The following CERS6 variants were observed in gnomAD, a reference collection of about 807,000 sequenced individuals.
CERS6 encodes ceramide synthase 6, also known as LAG1 homolog, ceramide synthase 6.
A neutral mutation model predicts 56.8 loss-of-function variants in CERS6; 26 were observed. The observed-to-expected ratio is 0.46, with a 90% CI of 0.34 to 0.63. The LOEUF (loss-of-function observed/expected upper bound fraction) is 0.63, where lower values mean the gene tolerates loss of function less well. Among genes scored for constraint, CERS6 ranks in the 30% least tolerant of loss-of-function variants. The probability of loss-of-function intolerance (pLI) is 0.01; values close to 1 mark genes in which losing one functional copy is unlikely to be tolerated. For missense variants in CERS6, 415 were observed against 467.5 expected, an observed-to-expected ratio of 0.89 and a Z score of 1.04; for synonymous variants, 164 against 173.3, an observed-to-expected ratio of 0.95 and a Z score of 0.42.
At chr2:168,682,750 A>G (rs145593363) in intron 4 of CERS6, among the ~76,000 whole-genome samples, 1 of 152,204 alleles carries the variant, frequency 6.6e-6, no homozygotes, top group Admixed American at 6.5e-5. Flanking sequence ...TACAAGATCC[A>G]TGCTATGTGG....
At chr2:168,762,341 C>T (rs1341635511) in intron 8 of CERS6, among the ~76,000 whole-genome samples, 1 of 152,128 alleles carries the variant, frequency 6.6e-6, no homozygotes, top group Non-Finnish European at 1.5e-5. Context: ...TGACTCCCTG[C>T]CATGCTCAAT....
intron 1 of CERS6, among the ~76,000 whole-genome samples, chr2:168,527,999 G>A (rs2105360422): frequency 6.6e-6 from 1 of 152,080 alleles, no homozygotes; most frequent in South Asian, 2.1e-4. Context: ...TGGGATTGCA[G>A]GTGTGAGCCA....
intron 9 of CERS6, among the ~76,000 whole-genome samples, chr2:168,767,600 A>G (rs1406568953): frequency 6.6e-6 from 1 of 152,144 alleles, no homozygotes; most frequent in Non-Finnish European, 1.5e-5. Flanking sequence ...GTTCACTTTT[A>G]TGATATTTAC....
intron 3 of CERS6, among the ~76,000 whole-genome samples, chr2:168,568,113 A>G (rs1197725338): frequency 1.3e-5 from 2 of 152,148 alleles, no homozygotes; most frequent in East Asian, 3.9e-4. Flanking sequence ...AGGAAAAGAG[A>G]TTTTTGCTAA....
At chr2:168,662,127 C>CTTTTTTT (rs71397658) in intron 4 of CERS6, among the ~76,000 whole-genome samples, 3,228 of 136,538 alleles carry the variant, frequency 0.024, 104 homozygotes, top group African/African-American at 0.074. Flanking sequence ...AAGGCTGTCT[C>CTTTTTTT]TTTTTTTTTT....
intron 8 of CERS6, among the ~76,000 whole-genome samples, chr2:168,755,951 C>T (rs1238581369): frequency 6.6e-6 from 1 of 152,160 alleles, no homozygotes; most frequent in African/African-American, 2.4e-5. Context: ...CAAAACATAC[C>T]ATTGAAATCT....
At chr2:168,656,428 C>T (rs545645814) in intron 4 of CERS6, among the ~76,000 whole-genome samples, 3 of 151,966 alleles carry the variant, frequency 2.0e-5, no homozygotes, top group South Asian at 2.1e-4. Flanking sequence ...CTTAAGGTGG[C>T]GCGTCTGGAG....
rs77959258 is a variant in CERS6, at chr2:168,556,318, A to G, written c.277-4874A>G. ...TAGTAACACATTAAAAGAATTGTTT[A>G]TAATTGGATATAAAAATCTATATAA... is the stretch of plus-strand genomic sequence containing the variant. On this transcript the variant is annotated intron_variant, in intron 2 of 9. Transcript: ENST00000305747. Among the ~76,000 whole-genome samples the G allele has an allele frequency of 7.8e-3, 1,188 of 152,288 alleles. 43 individuals are homozygous for G. Among genetic ancestry groups the G allele is most frequent in the Admixed American group, 0.064 (982 of 15,296 alleles).
At chr2:168,717,094 A>G (rs1164761505) in intron 7 of CERS6, among the ~76,000 whole-genome samples, 1 of 152,168 alleles carries the variant, frequency 6.6e-6, no homozygotes, top group Non-Finnish European at 1.5e-5. Context: ...AAAAAAGTAG[A>G]TGGTAGAGAA....
intron 1 of CERS6, among the ~76,000 whole-genome samples, chr2:168,521,514 A>T (rs113583142): frequency 4.6e-5 from 7 of 152,116 alleles, no homozygotes; most frequent in African/African-American, 1.7e-4. Context: ...GAGGGGAGGG[A>T]GGGGGCAGAG....
At chr2:168,600,499 C>T (rs1229197035) in intron 3 of CERS6, among the ~76,000 whole-genome samples, 1 of 152,168 alleles carries the variant, frequency 6.6e-6, no homozygotes, top group African/African-American at 2.4e-5. Context: ...CCACCACGCC[C>T]GGCCTGCCAT....
At chr2:168,480,912 A>C (rs1441176009) in intron 1 of CERS6, among the ~76,000 whole-genome samples, 1 of 152,218 alleles carries the variant, frequency 6.6e-6, no homozygotes, top group African/African-American at 2.4e-5. Context: ...AGTCTTGAGT[A>C]GCATGGGGAG....
At chr2:168,765,823 C>A in intron 9 of CERS6, 75 bp downstream of exon 9, 1 of 1,304,096 alleles carries the variant, frequency 7.7e-7, no homozygotes, top group Non-Finnish European at 1.1e-6. Context: ...CAACTATTTA[C>A]TATTCCATAT....
chr2:168,679,510 G>C (rs1686155174), intron 4 of CERS6, among the ~76,000 whole-genome samples: 2 of 152,198 alleles, frequency 1.3e-5, no homozygotes, highest in Admixed American at 1.3e-4. Context: ...ATTAGGGGTT[G>C]TTAAAATAGA....
intron 8 of CERS6, among the ~76,000 whole-genome samples, chr2:168,757,466 A>G (rs1684449536): frequency 1.3e-5 from 2 of 152,208 alleles, no homozygotes; most frequent in Non-Finnish European, 2.9e-5. Flanking sequence ...TAAAAGTAAA[A>G]ATAAATTCAC....
intron 1 of CERS6, among the ~76,000 whole-genome samples, chr2:168,484,959 A>G (rs373880774): frequency 6.6e-6 from 1 of 152,222 alleles, no homozygotes; most frequent in East Asian, 1.9e-4. Flanking sequence ...AAACAAATGA[A>G]TAACTAGGCA....
chr2:168,456,458 A>T lies in CERS6; in HGVS notation c.10A>T (p.Ile4Phe), dbSNP rs1176257777. Residue 4 changes from isoleucine to phenylalanine, a missense_variant, in exon 1 of 10, where the codon ATC becomes TTC. Transcript: ENST00000305747. The surrounding 1 kb of genome is among the most constrained non-coding windows in gnomAD (Gnocchi z 4.1). ...GAGTGGACAAAGCAAGATGGCAGGG[A>T]TCTTAGCCTGGTTCTGGAACGAGAG... MAG[I>F]LAWFWNERFW... 6.2e-7 allele frequency: 1 copy of T among 1,613,230 alleles called. No individual in the cohort carries two copies. The highest frequency in any genetic ancestry group is 1.7e-5 in the Admixed American group (1 of 59,936).
chr2:168,629,121 G>C (rs1684654507), intron 3 of CERS6, among the ~76,000 whole-genome samples: 1 of 152,146 alleles, frequency 6.6e-6, no homozygotes, highest in Admixed American at 6.5e-5. Flanking sequence ...AATGATGGAG[G>C]CATCAGTATT....
At chr2:168,480,521 G>A (rs1694159386) in intron 1 of CERS6, among the ~76,000 whole-genome samples, 1 of 152,184 alleles carries the variant, frequency 6.6e-6, no homozygotes, top group Non-Finnish European at 1.5e-5. Context: ...TCATACAGTG[G>A]TGTGATCTTA....
Sources: allele counts gnomAD v4.1 joint callset (sites outside exome capture counted in the v4.1 genomes callset), GRCh38; gene constraint gnomAD v4.1.1; non-coding constraint Gnocchi (gnomAD v3.1); transcripts MANE v1.5; gene names NCBI Gene and HGNC (gene_info 2026-07-23, HGNC 2026-07-21).